Variants in HMG20B observed in about 807,000 individuals in gnomAD.
The protein encoded by HMG20B is SWI/SNF-related matrix-associated actin-dependent regulator of chromatin subfamily E member 1-related.
A neutral mutation model predicts 41.6 loss-of-function variants in HMG20B; 24 were observed. The ratio of observed to expected loss-of-function variants is 0.58; its 90% CI spans 0.42 to 0.81. HMG20B has a LOEUF of 0.81. Ranked by LOEUF, HMG20B falls within the 30% of genes least tolerant of loss-of-function variation. The pLI is 0.00. For synonymous variants in HMG20B, 251 were observed against 186.6 expected (o/e 1.34, Z -2.81); for missense variants, 461 against 444.0 (o/e 1.04, Z -0.34).
intron 8 of HMG20B, 140 bp from the exon 9 acceptor site, chr19:3,577,841 T>A: frequency 6.9e-6 from 5 of 720,644 alleles, no homozygotes; most frequent in East Asian, 2.9e-5. Flanking sequence ...TAGCCCACCC[T>A]GCGCCGCTCC....
chr19:3,578,122 CGGGCG>C lies in HMG20B; in HGVS notation c.941+10_941+14del, dbSNP rs1300534985. ...CTGGCCCAGGTCGCCAGGTGTGTGC[CGGGCG>C]AGGCGGGGCGGGGCCGGGGTTCAAG... On this transcript the variant is annotated intron_variant, in intron 9 of 9. Transcript: ENST00000333651. The C allele has an allele frequency of 6.2e-7, 1 of 1,608,554 alleles. No individual in the cohort carries two copies. The highest frequency in any genetic ancestry group is 8.5e-7 in the Non-Finnish European group (1 of 1,178,276).
At chr19:3,577,174 CT>C in intron 8 of HMG20B, 67 bp downstream of exon 8, 1 of 1,139,160 alleles carries the variant, frequency 8.8e-7, no homozygotes, top group Admixed American at 2.9e-5. Flanking sequence ...CCCCCCCCTC[CT>C]CCCTTCCCCC....
intron 9 of HMG20B, 70 bp downstream of exon 9, chr19:3,578,183 G>C: frequency 6.4e-7 from 1 of 1,566,026 alleles, no homozygotes; most frequent in South Asian, 1.1e-5. Context: ...GGGTTCCCCA[G>C]GTCCGCGAGG....
intron 7 of HMG20B, 33 bp from the exon 8 acceptor site, chr19:3,576,859 G>GC: frequency 6.5e-7 from 1 of 1,549,166 alleles, no homozygotes; most frequent in Non-Finnish European, 8.7e-7. Context: ...GAAAGGGGAG[G>GC]CGCAGGCTTT....
chr19:3,575,946 A>G, intron 5 of HMG20B: 2 of 309,784 alleles, frequency 6.5e-6, no homozygotes, highest in African/African-American at 4.3e-5. Flanking sequence ...TCCGTCTCAA[A>G]AAAAAAAAAA....
intron 8 of HMG20B, 57 bp downstream of exon 8, chr19:3,577,164 C>A (rs774215535): frequency 5.4e-6 from 6 of 1,109,422 alleles, no homozygotes; most frequent in South Asian, 1.7e-5. Flanking sequence ...CGCCCGCCTC[C>A]CCCCCCCTCC....
chr19:3,573,795 G>A lies in HMG20B; in HGVS notation c.142G>A (p.Glu48Lys), dbSNP rs771420546. Residue 48 changes from glutamate (E) to lysine (K), a missense_variant, in exon 3 of 10, where the codon GAG becomes AAG. By Grantham distance (56) the Glu-to-Lys change is moderately conservative (BLOSUM62 1). This residue lies in a region of HMG20B where 104 missense variants were observed against 76.5 expected (regional missense o/e 1.36). Transcript: ENST00000333651. ...PRAGEKGSHE[E>K]EPVKKRGWPK... ...CGCGGGCGAGAAGGGGTCCCACGAG[G>A]AGGAGGTGAGAGTCCCTGCGCTGAG... The A allele has an allele frequency of 1.3e-6, 2 of 1,582,534 alleles. No individual in the cohort carries two copies. The highest frequency in any genetic ancestry group is 1.1e-5 in the South Asian group (1 of 88,234).
intron 3 of HMG20B, 149 bp downstream of exon 3, chr19:3,573,949 C>CA: frequency 2.6e-6 from 2 of 775,944 alleles, no homozygotes; most frequent in South Asian, 2.9e-5. Context: ...CCAGCTGCCA[C>CA]GCCCCTGACA....
In HMG20B at chr19:3,578,581, C is replaced by T. The variant is rs1346358664; in HGVS notation, c.*60C>T. The T allele has an allele frequency of 3.2e-6, 5 of 1,549,134 alleles. No individual in the cohort carries two copies. Among genetic ancestry groups the T allele is most frequent in the South Asian group, 2.4e-5 (2 of 84,096 alleles). ...GTGGGCGCGGCCCTGCCACACCCCA[C>T]CCCGTGGACGAGAGGCTGGGGGTCC... On this transcript the variant is annotated 3_prime_UTR_variant, in exon 10 of 10. Transcript: ENST00000333651.
intron 5 of HMG20B, 165 bp from the exon 6 acceptor site, chr19:3,576,096 C>A: frequency 1.6e-6 from 1 of 643,354 alleles, no homozygotes; most frequent in Non-Finnish European, 2.8e-6. Flanking sequence ...AGATACATAG[C>A]CAGACAGGAG....
intron 6 of HMG20B, 98 bp downstream of exon 6, chr19:3,576,405 G>T: frequency 7.1e-7 from 1 of 1,409,112 alleles, no homozygotes; most frequent in Non-Finnish European, 1.0e-6. Context: ...ATGTGTGCAA[G>T]CAGGGGCGGT....
At chr19:3,577,905 C>G in intron 8 of HMG20B, 76 bp from the exon 9 acceptor site, 1 of 1,376,624 alleles carries the variant, frequency 7.3e-7, no homozygotes. Flanking sequence ...CCTGAGTCAC[C>G]CCCTACCGCT....
chr19:3,579,062 A>G lies in HMG20B; in HGVS notation c.*541A>G. 3.0e-6 allele frequency: 1 copy of G among 336,152 alleles called. No homozygotes were observed. The highest frequency in any genetic ancestry group is 4.2e-5 in the Admixed American group (1 of 23,928). 20.8% of individuals were successfully genotyped at this position (336,152 alleles called of 1,614,324 possible). A position where few individuals can be genotyped will look rare whatever the true frequency, so the allele number is the denominator to read the frequency against. On this transcript the variant is annotated 3_prime_UTR_variant, in exon 10 of 10. Transcript: ENST00000333651. This position sits in a 1 kb window ranked among gnomAD's most constrained non-coding sequence, Gnocchi z 7.4. ...CTGGATCCGGACTTTTTAAATAAAA[A>G]CAAGTAAAATTTGTGTTTTAAGCTT...
At chr19:3,575,700 C>CA (rs2032143340) in intron 5 of HMG20B, 40 bp downstream of exon 5, 8 of 1,533,794 alleles carry the variant, frequency 5.2e-6, no homozygotes, top group Non-Finnish European at 5.3e-6. Flanking sequence ...CCTGTCATCC[C>CA]AGCACTTTGG....
chr19:3,574,573 C>T lies in HMG20B; in HGVS notation c.338C>T (p.Pro113Leu). 1.3e-6 allele frequency: 2 copies of T among 1,599,878 alleles called. No homozygotes were observed. Among genetic ancestry groups the T allele is most frequent in the Non-Finnish European group, 1.7e-6 (2 of 1,175,244 alleles). The change falls in exon 4 of 10, where the codon CCA (proline) becomes CTA (leucine). Residue 113 changes from proline to leucine, a missense_variant. Coordinates refer to ENST00000333651, the MANE Select transcript of HMG20B (RefSeq NM_006339.3). ...GGCGCCGAGTGGAGCAAGCTGCAGC[C>T]AACGGAAAAGCAGGTGGGCGGGGCG... ...MLGAEWSKLQ[P>L]TEKQRYLDEA...
chr19:3,577,962 CT>C lies in HMG20B; in HGVS notation c.809-17del. On this transcript the variant is annotated intron_variant, in intron 8 of 9. Coordinates refer to ENST00000333651, the MANE Select transcript of HMG20B (RefSeq NM_006339.3). ...CGACTCCCCGGCACCCTCGCCTGAC[CT>C]TCCCGCCTGTCCCCCAGGCACGGGC... 1 of 1,574,408 alleles carries C rather than the reference CT, an allele frequency of 6.4e-7. No homozygotes were observed. The highest frequency in any genetic ancestry group is 8.6e-7 in the Non-Finnish European group (1 of 1,164,346).
chr19:3,576,703 A>G, intron 7 of HMG20B, 78 bp downstream of exon 7: 2 of 1,377,074 alleles, frequency 1.5e-6, no homozygotes, highest in South Asian at 1.2e-5. Flanking sequence ...GAGGGCCCCA[A>G]GACTGCAGGA....
At chr19:3,574,157 C>T (rs2032104453) in intron 3 of HMG20B, 1 of 612,386 alleles carries the variant, frequency 1.6e-6, no homozygotes, top group East Asian at 2.8e-5. Flanking sequence ...TGTACTCAAA[C>T]CTCGGCCCAT....
intron 7 of HMG20B, 68 bp downstream of exon 7, chr19:3,576,693 G>C: frequency 3.5e-6 from 5 of 1,448,412 alleles, no homozygotes; most frequent in Non-Finnish European, 4.8e-6. Flanking sequence ...CGTGGGCCAG[G>C]AGGGCCCCAA....
Sources: gnomAD v4.1 joint callset for allele counts on GRCh38, gnomAD v4.1.1 for gene constraint, gnomAD v4.1.1 regional missense constraint, Gnocchi (gnomAD v3.1) non-coding constraint, MANE v1.5 for transcripts, NCBI Gene and HGNC (gene_info 2026-07-23, HGNC 2026-07-21) for gene names.